The following PARD3 variants were observed in gnomAD, a reference collection of about 807,000 sequenced individuals.
The protein encoded by PARD3 is partitioning defective 3 homolog.
PARD3 carries 75 observed loss-of-function variants against 155.4 expected under a neutral mutation model. That is an observed-to-expected ratio of 0.48 (90% confidence interval 0.40 to 0.58). PARD3 has a LOEUF of 0.58. Ranked by LOEUF, PARD3 falls within the 20% of genes least tolerant of loss-of-function variation. PARD3 has a pLI of 0.00. For synonymous variants in PARD3, 576 were observed against 610.5 expected, an observed-to-expected ratio of 0.94 and a Z score of 0.83; for missense variants, 1,642 against 1,721.7, an observed-to-expected ratio of 0.95 and a Z score of 0.82.
chr10:34,781,026 T>C (rs1419527137), intron 1 of PARD3, among the ~76,000 whole-genome samples: 3 of 152,236 alleles, frequency 2.0e-5, no homozygotes, highest in African/African-American at 7.2e-5. Flanking sequence ...TCCTTGAACT[T>C]GGAGCAGGAC....
chr10:34,414,572 T>C (rs1389084584), intron 5 of PARD3, among the ~76,000 whole-genome samples: 3 of 151,852 alleles, frequency 2.0e-5, no homozygotes, highest in Admixed American at 6.6e-5. Context: ...TCCCAGCATT[T>C]TGGGAGGCCA....
chr10:34,677,736 C>G (rs2093735308), intron 2 of PARD3, among the ~76,000 whole-genome samples: 1 of 152,286 alleles, frequency 6.6e-6, no homozygotes, highest in South Asian at 2.1e-4. Context: ...CAGGGGGACA[C>G]AGATACCATG....
chr10:34,714,620 T>C (rs80345650), intron 1 of PARD3, among the ~76,000 whole-genome samples: 2,997 of 152,246 alleles, frequency 0.02, 101 homozygotes, highest in African/African-American at 0.068. Context: ...ATTGCTGATG[T>C]CTGAGGTGGA....
intron 5 of PARD3, among the ~76,000 whole-genome samples, chr10:34,415,839 T>C (rs1483243940): frequency 2.0e-5 from 3 of 152,218 alleles, no homozygotes; most frequent in Non-Finnish European, 1.5e-5. Flanking sequence ...AGTGCATACA[T>C]ACTGTCTGGA....
intron 22 of PARD3, among the ~76,000 whole-genome samples, chr10:34,174,885 A>C (rs1302988620): frequency 6.6e-6 from 1 of 152,192 alleles, no homozygotes; most frequent in African/African-American, 2.4e-5. Flanking sequence ...CCATCTTTTT[A>C]GTTATCACAG....
intron 2 of PARD3, among the ~76,000 whole-genome samples, chr10:34,543,923 G>A (rs192030676): frequency 3.1e-4 from 47 of 152,210 alleles, no homozygotes; most frequent in African/African-American, 9.9e-4. Flanking sequence ...CCATATATTC[G>A]GTACCTGCTC....
chr10:34,677,731 G>T (rs1022682244), intron 2 of PARD3, among the ~76,000 whole-genome samples: 6 of 152,030 alleles, frequency 3.9e-5, no homozygotes, highest in African/African-American at 1.4e-4. Context: ...CCGGGCAGGG[G>T]GACACAGATA....
chr10:34,281,685 GA>G (rs1216063240), intron 21 of PARD3, among the ~76,000 whole-genome samples: 2 of 151,932 alleles, frequency 1.3e-5, no homozygotes, highest in African/African-American at 4.8e-5. Context: ...TCTTAACATT[GA>G]AGAAAAAACA....
chr10:34,570,275 T>C (rs949731338), intron 2 of PARD3, among the ~76,000 whole-genome samples: 2 of 152,216 alleles, frequency 1.3e-5, no homozygotes, highest in African/African-American at 4.8e-5. Context: ...AAGGTTGGGG[T>C]ACCAAGGACT....
chr10:34,399,788 C>G (rs1386083041), intron 6 of PARD3, among the ~76,000 whole-genome samples: 2 of 152,204 alleles, frequency 1.3e-5, no homozygotes, highest in African/African-American at 4.8e-5. Context: ...CATCCCAACA[C>G]TCACGTCAAG....
intron 2 of PARD3, among the ~76,000 whole-genome samples, chr10:34,614,079 G>A (rs1321303076): frequency 6.6e-6 from 1 of 151,982 alleles, no homozygotes; most frequent in East Asian, 1.9e-4. Context: ...GCTTTCAAAG[G>A]CAAACAGCTA....
At chr10:34,454,486 C>T (rs1235669652) in intron 4 of PARD3, among the ~76,000 whole-genome samples, 1 of 151,976 alleles carries the variant, frequency 6.6e-6, no homozygotes, top group Non-Finnish European at 1.5e-5. Flanking sequence ...ACTATATATG[C>T]TCACTTATGA....
At chr10:34,624,988 A>C (rs945844766) in intron 2 of PARD3, among the ~76,000 whole-genome samples, 83 of 152,256 alleles carry the variant, frequency 5.5e-4, no homozygotes, top group African/African-American at 1.9e-3. Context: ...GACATACAAG[A>C]GCTAAGAAAG....
At chr10:34,347,047 G>C (rs1048530198) in intron 15 of PARD3, among the ~76,000 whole-genome samples, 2 of 152,120 alleles carry the variant, frequency 1.3e-5, no homozygotes, top group African/African-American at 2.4e-5. Context: ...ATAAATTACT[G>C]TTTCAATGAG....
chr10:34,408,944 T>G (rs1844771016), intron 5 of PARD3, among the ~76,000 whole-genome samples: 1 of 152,126 alleles, frequency 6.6e-6, no homozygotes, highest in South Asian at 2.1e-4. Context: ...AAAGTCCAGT[T>G]CCTTATAATA....
At chr10:34,804,068 C>CT (rs1375672924) in intron 1 of PARD3, among the ~76,000 whole-genome samples, 1 of 147,118 alleles carries the variant, frequency 6.8e-6, no homozygotes, top group Non-Finnish European at 1.5e-5. Context: ...AAGTCTCGCT[C>CT]TATCGCCAAG....
chr10:34,343,823 A>C, intron 15 of PARD3: 1 of 978,694 alleles, frequency 1.0e-6, no homozygotes, highest in Non-Finnish European at 1.2e-6. Flanking sequence ...CCTACAAACT[A>C]AGTAAACTAG....
chr10:34,471,913 A>G (rs890109749), intron 3 of PARD3, among the ~76,000 whole-genome samples: 1 of 152,166 alleles, frequency 6.6e-6, no homozygotes. Flanking sequence ...TCTAGGAGGG[A>G]TATTTTTGAA....
At chr10:34,651,183 C>G (rs1424718101) in intron 2 of PARD3, among the ~76,000 whole-genome samples, 1 of 152,142 alleles carries the variant, frequency 6.6e-6, no homozygotes, top group Non-Finnish European at 1.5e-5. Context: ...ATGGTCCCAG[C>G]ATCACTTTGA....
Sources: gnomAD v4.1 joint callset for allele counts (sites outside exome capture counted in the v4.1 genomes callset) on GRCh38, gnomAD v4.1.1 for gene constraint, MANE v1.5 for transcripts, NCBI Gene and HGNC (gene_info 2026-07-23, HGNC 2026-07-21) for gene names.